The following RPGR variants were observed in gnomAD, a reference collection of about 807,000 sequenced individuals.
The protein encoded by RPGR is retinitis pigmentosa GTPase regulator.
RPGR carries 10 observed loss-of-function variants against 56.3 expected under a neutral mutation model. That is an observed-to-expected ratio of 0.18 (90% confidence interval 0.11 to 0.30). The LOEUF is 0.30. RPGR is among the 10% of genes least tolerant of loss of function. The pLI is 1.00. For missense variants in RPGR, 538 were observed against 590.9 expected (o/e 0.91, Z 0.93); for synonymous variants, 197 against 212.9 (o/e 0.93, Z 0.65).
chrX:38,275,237 T>A, intron 16 of RPGR: 2 of 687,674 alleles, frequency 2.9e-6, no homozygotes, highest in Non-Finnish European at 4.6e-6. Flanking sequence ...TTCTAGAGTC[T>A]GCCTCTAGCT....
intron 15 of RPGR, chrX:38,286,014 C>CCCCTCCCCTTCT: frequency 1.1e-6 from 1 of 885,053 alleles, no homozygotes; most frequent in East Asian, 4.3e-5. Flanking sequence ...CTTCTTCTTC[C>CCCCTCCCCTTCT]CCTTCCTCCT....
In RPGR at chrX:38,327,394, C is replaced by T. The variant is rs1324121328; in HGVS notation, c.-27G>A. 1 of 1,174,805 alleles carries T rather than the reference C, an allele frequency of 8.5e-7. No homozygotes were observed. The highest frequency in any genetic ancestry group is 1.9e-5 in the South Asian group (1 of 52,902). On this transcript the variant is annotated 5_prime_UTR_variant, in exon 1 of 19. Coordinates refer to ENST00000642395, the MANE Select transcript of RPGR (RefSeq NM_000328.3). ...CCACGGGCAGTACGGGCAGCCTGCG[C>T]CGGGGCCAGGAGGCTGTAGAGGACG...
intron 13 of RPGR, 26 bp downstream of exon 13, chrX:38,290,932 TA>T: frequency 1.2e-6 from 1 of 809,319 alleles, no homozygotes; most frequent in Non-Finnish European, 1.8e-6. Context: ...TCACCAACAA[TA>T]ACGAAAATAA....
chrX:38,270,483 C>A (rs1305214961), intron 18 of RPGR, among the ~76,000 whole-genome samples: 1 of 87,643 alleles, frequency 1.1e-5, no homozygotes, highest in Non-Finnish European at 2.3e-5. Context: ...ATTAGCCGGG[C>A]GTGGTGGCAG....
Position 38,299,025 on chromosome X carries a change from C to T in RPGR, c.1176G>A (p.Pro392=), listed in dbSNP as rs149742786. Residue 392 remains proline, a synonymous_variant, in exon 10 of 19, where the codon CCG becomes CCA. Transcript: ENST00000642395. ...CATTTCCTGAGGTTAAACTGCTATA[C>T]GGCAGAAAAGTCGCCACAGATAAGC... 1.5e-5 allele frequency: 18 copies of T among 1,209,783 alleles called. No individual in the cohort carries two copies. Among genetic ancestry groups the T allele is most frequent in the South Asian group, 1.2e-4 (7 of 56,806 alleles).
At chrX:38,323,750 C>T (rs773383726) in intron 1 of RPGR, among the ~76,000 whole-genome samples, 2 of 112,005 alleles carry the variant, frequency 1.8e-5, no homozygotes, top group Non-Finnish European at 3.8e-5. Flanking sequence ...ATGTATTACT[C>T]ATATACTGGT....
chrX:38,324,999 G>A (rs1326644370), intron 1 of RPGR, among the ~76,000 whole-genome samples: 11 of 106,133 alleles, frequency 1.0e-4, no homozygotes, highest in South Asian at 4.4e-4. Flanking sequence ...GTGAAACCCC[G>A]TGTCGACTAA....
intron 13 of RPGR, among the ~76,000 whole-genome samples, chrX:38,288,606 G>A (rs1032762785): frequency 9.0e-6 from 1 of 111,005 alleles, no homozygotes; most frequent in African/African-American, 3.3e-5. Flanking sequence ...TCGGGAGGCT[G>A]AGGCAGGAGA....
At chrX:38,326,229 A>G (rs929327452) in intron 1 of RPGR, among the ~76,000 whole-genome samples, 4 of 112,094 alleles carry the variant, frequency 3.6e-5, no homozygotes, top group Non-Finnish European at 3.8e-5. Flanking sequence ...CTGTCAATTT[A>G]TATGGTCATT....
At chrX:38,276,559 C>A (rs2066940463) in intron 16 of RPGR, 1 of 1,199,353 alleles carries the variant, frequency 8.3e-7, no homozygotes. Flanking sequence ...CTCCCAGGAT[C>A]TCAGGATTTA....
At chrX:38,310,914 T>G in intron 6 of RPGR, 141 bp from the exon 7 acceptor site, 1 of 512,361 alleles carries the variant, frequency 2.0e-6, no homozygotes, top group South Asian at 3.1e-5. Flanking sequence ...GATAAAGAAA[T>G]AAAGCTAGAT....
chrX:38,289,061 C>T (rs766691268), intron 13 of RPGR, among the ~76,000 whole-genome samples: 276 of 111,426 alleles, frequency 2.5e-3, no homozygotes, highest in Non-Finnish European at 4.4e-3. Flanking sequence ...GGATTACAGG[C>T]ATGAGCCACC....
chrX:38,302,450 C>G (rs1041563202), intron 8 of RPGR, among the ~76,000 whole-genome samples: 1 of 111,258 alleles, frequency 9.0e-6, no homozygotes, highest in African/African-American at 3.3e-5. Context: ...GCAACTAATA[C>G]CCCTGAAGCA....
intron 15 of RPGR, among the ~76,000 whole-genome samples, chrX:38,279,952 TTTA>T (rs2067000715): frequency 1.8e-5 from 2 of 110,746 alleles, no homozygotes; most frequent in African/African-American, 6.6e-5. Flanking sequence ...AAGTTCATGT[TTTA>T]ACTACACTGA....
At position 38,321,040 on chromosome X, in the gene RPGR, G is replaced by T; in HGVS notation, c.297C>A (p.Thr99=). 4.2e-6 allele frequency: 5 copies of T among 1,204,571 alleles called. No individual in the cohort carries two copies. The highest frequency in any genetic ancestry group is 5.6e-6 in the Non-Finnish European group (5 of 889,017). Residue 99 remains threonine (T), a synonymous_variant, in exon 4 of 19, where the codon ACC becomes ACA. Coordinates refer to ENST00000642395, the MANE Select transcript of RPGR (RefSeq NM_000328.3). ...TGAGCACTATACCTGTTGACACCAG[G>T]GTGTGGTTCCTTCCACAGGCAGCTA...
At chrX:38,270,622 C>T (rs1426689181) in intron 18 of RPGR, among the ~76,000 whole-genome samples, 1 of 93,471 alleles carries the variant, frequency 1.1e-5, no homozygotes, top group African/African-American at 4.1e-5. Context: ...GACTCTGTCC[C>T]CAAAAAAAAA....
At chrX:38,303,148 T>C (rs754294143) in intron 8 of RPGR, among the ~76,000 whole-genome samples, 1 of 111,695 alleles carries the variant, frequency 9.0e-6, no homozygotes, top group South Asian at 3.7e-4. Flanking sequence ...TTTTAAGGTT[T>C]GCCTTTTAAA....
At chrX:38,323,598 T>C in intron 1 of RPGR, 74 bp from the exon 2 acceptor site, 1 of 1,105,990 alleles carries the variant, frequency 9.0e-7, no homozygotes. Context: ...TTTGAGTAAT[T>C]TATCCATACA....
chrX:38,307,638 C>T (rs1176509063), intron 7 of RPGR, among the ~76,000 whole-genome samples: 2 of 111,491 alleles, frequency 1.8e-5, no homozygotes, highest in Admixed American at 1.9e-4. Context: ...TATTTAGTCA[C>T]ACTGATGATC....
Sources: gnomAD v4.1 joint callset for allele counts (sites outside exome capture counted in the v4.1 genomes callset) on GRCh38, gnomAD v4.1.1 for gene constraint, MANE v1.5 for transcripts, NCBI Gene and HGNC (gene_info 2026-07-23, HGNC 2026-07-21) for gene names.